The following PDZRN3 variants were observed in gnomAD, a reference collection of about 807,000 sequenced individuals.
PDZRN3 encodes the protein E3 ubiquitin-protein ligase PDZRN3.
Under a neutral mutation model 85.7 loss-of-function variants are expected in PDZRN3, and 38 were observed. The observed-to-expected ratio is 0.44, with a 90% CI of 0.34 to 0.58. The LOEUF is 0.58. PDZRN3 is among the 20% of genes least tolerant of loss of function. The probability of loss-of-function intolerance (pLI) is 0.01; values close to 1 mark genes in which losing one functional copy is unlikely to be tolerated. For missense variants in PDZRN3, 1,629 were observed against 1,506.4 expected (o/e 1.08, Z -1.35); for synonymous variants, 759 against 638.0 (o/e 1.19, Z -2.86).
chr3:73,508,522 T>A (rs1024240620), intron 3 of PDZRN3, among the ~76,000 whole-genome samples: 13 of 152,150 alleles, frequency 8.5e-5, no homozygotes, highest in African/African-American at 3.1e-4. Flanking sequence ...GCCGTGCAGC[T>A]CCTCGGGCAG....
At chr3:73,456,176 G>T (rs903510289) in intron 3 of PDZRN3, among the ~76,000 whole-genome samples, 1 of 136,680 alleles carries the variant, frequency 7.3e-6, no homozygotes, top group African/African-American at 2.8e-5. Flanking sequence ...GTACTGAAGA[G>T]AAGAAAAATG....
intron 4 of PDZRN3, chr3:73,401,211 C>G (rs191816383): frequency 1.7e-4 from 86 of 513,874 alleles, no homozygotes; most frequent in African/African-American, 1.3e-3. Flanking sequence ...TACATTTCCT[C>G]CTGAAGGACT....
At chr3:73,407,993 C>T (rs1261014313) in intron 3 of PDZRN3, 1 of 601,436 alleles carries the variant, frequency 1.7e-6, no homozygotes, top group Non-Finnish European at 3.0e-6. Context: ...GCCCTGTCAT[C>T]CCACACAAGA....
chr3:73,483,218 G>A (rs1347101564), intron 3 of PDZRN3, among the ~76,000 whole-genome samples: 2 of 152,314 alleles, frequency 1.3e-5, no homozygotes, highest in Non-Finnish European at 2.9e-5. Flanking sequence ...GAAGGGAAGA[G>A]GCTTCATTTT....
intron 3 of PDZRN3, among the ~76,000 whole-genome samples, chr3:73,516,433 T>C (rs375834272): frequency 9.8e-5 from 15 of 152,352 alleles, no homozygotes; most frequent in South Asian, 8.3e-4. Flanking sequence ...TGTATTTTCT[T>C]AATTATGAAT....
intron 3 of PDZRN3, among the ~76,000 whole-genome samples, chr3:73,410,195 C>G (rs1014937610): frequency 1.3e-5 from 2 of 152,070 alleles, no homozygotes; most frequent in Admixed American, 1.3e-4. Flanking sequence ...AAAAAAAAGT[C>G]TTTTTTTCAT....
rs146325061 is a variant in PDZRN3, at chr3:73,501,871, C to A, written c.919-97476G>T. Among the ~76,000 whole-genome samples the A allele has an allele frequency of 5.9e-5, 9 of 152,194 alleles. No individual in the cohort carries two copies. In the East Asian group the frequency reaches 1.7e-3, roughly 29 times the overall value. ...CTCTGCTAAAAATACAAAAAATTAG[C>A]CGGGTATGTTGGTACACACCTGTAA... is the stretch of plus-strand genomic sequence containing the variant. On this transcript the variant is annotated intron_variant, in intron 3 of 9. Coordinates refer to ENST00000263666, the MANE Select transcript of PDZRN3 (RefSeq NM_015009.3).
chr3:73,391,405 G>A (rs1196593912), intron 5 of PDZRN3, among the ~76,000 whole-genome samples: 2 of 152,094 alleles, frequency 1.3e-5, no homozygotes, highest in Non-Finnish European at 2.9e-5. Flanking sequence ...TCTGGGGCAG[G>A]GCTTTTCAAA....
At position 73,407,231 on chromosome 3, in the gene PDZRN3, A is replaced by AT. The variant is rs999859880; in HGVS notation, c.919-2837dup. ...CTAGGACATGAGATAGGAAAGGGCC[A>AT]TTTTTTGCCTCTAGACAAGTCATCT... On this transcript the variant is annotated intron_variant, in intron 3 of 9. Transcript: ENST00000263666. 4.6e-5 allele frequency among the ~76,000 whole-genome samples: 7 copies of AT among 152,154 alleles called. No homozygotes were observed. In the East Asian group the frequency reaches 9.6e-4, roughly 21 times the overall value.
chr3:73,391,033 C>T lies in PDZRN3; in HGVS notation c.1338G>A (p.Gly446=), dbSNP rs752818091. 8 of 1,612,138 alleles carry T rather than the reference C, an allele frequency of 5.0e-6. 1 individual carries two copies. The highest frequency in any genetic ancestry group is 5.1e-6 in the Non-Finnish European group (6 of 1,178,324). The part of the protein sequence containing the change: ...CYRTDDEDDI[G]IYISEIDPNS... ...GCCTTTGTACCTCACTGATATAAATCCCAATGTCGTCTTCATCGTCCGTCC... is the reference window on the plus strand; with the variant it reads ...GCCTTTGTACCTCACTGATATAAATTCCAATGTCGTCTTCATCGTCCGTCC... Residue 446 remains glycine (G), a synonymous_variant, in exon 6 of 10, where the codon GGG becomes GGA. Coordinates refer to ENST00000263666, the MANE Select transcript of PDZRN3 (RefSeq NM_015009.3).
chr3:73,409,397 T>C (rs1018588986), intron 3 of PDZRN3, among the ~76,000 whole-genome samples: 1 of 152,230 alleles, frequency 6.6e-6, no homozygotes, highest in Non-Finnish European at 1.5e-5. Flanking sequence ...GCTGGCGAGC[T>C]TTCCATTTGG....
intron 3 of PDZRN3, among the ~76,000 whole-genome samples, chr3:73,508,494 T>C (rs994582752): frequency 1.3e-5 from 2 of 152,170 alleles, no homozygotes; most frequent in Non-Finnish European, 2.9e-5. Context: ...CAGATGATGG[T>C]GCCTCCAACT....
intron 3 of PDZRN3, among the ~76,000 whole-genome samples, chr3:73,520,418 C>T (rs907534501): frequency 2.6e-4 from 40 of 152,060 alleles, no homozygotes; most frequent in African/African-American, 8.9e-4. Context: ...GCAGGAGGAA[C>T]GCTTGAGCCC....
chr3:73,602,093 C>T (rs574555913), intron 3 of PDZRN3, among the ~76,000 whole-genome samples: 1 of 152,290 alleles, frequency 6.6e-6, no homozygotes. Flanking sequence ...GTAACTGATG[C>T]ATACGAAACA....
In PDZRN3 at chr3:73,495,510, C is replaced by T. The variant is rs1703850202; in HGVS notation, c.919-91115G>A. On this transcript the variant is annotated intron_variant, in intron 3 of 9. Coordinates refer to ENST00000263666, the MANE Select transcript of PDZRN3 (RefSeq NM_015009.3). ...ACTTTTTTTCCTCTGGACAGCATGT[C>T]TTAGAGACCTTTCTTATCCGTGCGC... Among the ~76,000 whole-genome samples, 6 of 152,310 alleles carry T rather than the reference C, an allele frequency of 3.9e-5. No homozygotes were observed. In the South Asian group the frequency reaches 1.2e-3, roughly 32 times the overall value.
chr3:73,613,115 T>C (rs1049047668), intron 1 of PDZRN3, among the ~76,000 whole-genome samples: 1 of 152,194 alleles, frequency 6.6e-6, no homozygotes, highest in African/African-American at 2.4e-5. Flanking sequence ...TATTCCTAAC[T>C]GTATCTATCT....
At chr3:73,576,490 C>T (rs1231077652) in intron 3 of PDZRN3, among the ~76,000 whole-genome samples, 1 of 152,082 alleles carries the variant, frequency 6.6e-6, no homozygotes, top group Non-Finnish European at 1.5e-5. Context: ...TTTACATGTA[C>T]TTTTTCTTTC....
chr3:73,517,506 C>T (rs557446210), intron 3 of PDZRN3, among the ~76,000 whole-genome samples: 12 of 152,212 alleles, frequency 7.9e-5, no homozygotes, highest in Non-Finnish European at 1.2e-4. Context: ...AACGTCACAG[C>T]GAGGCTTAGG....
intron 3 of PDZRN3, among the ~76,000 whole-genome samples, chr3:73,502,447 G>A (rs1703996988): frequency 1.3e-5 from 2 of 152,202 alleles, no homozygotes; most frequent in South Asian, 2.1e-4. Context: ...AAAAGATACT[G>A]AGTTCTCCAT....
Sources: allele counts gnomAD v4.1 joint callset (sites outside exome capture counted in the v4.1 genomes callset), GRCh38; gene constraint gnomAD v4.1.1; transcripts MANE v1.5; gene names NCBI Gene and HGNC (gene_info 2026-07-23, HGNC 2026-07-21).